SEMA5A: variants seen among roughly 807,000 people sequenced by gnomAD.
SEMA5A encodes the protein semaphorin-5A.
Under a neutral mutation model 135.5 loss-of-function variants are expected in SEMA5A, and 55 were observed. That is an observed-to-expected ratio of 0.41 (90% CI 0.33 to 0.51). The LOEUF (loss-of-function observed/expected upper bound fraction) is 0.51. Among genes scored for constraint, SEMA5A ranks in the 20% least tolerant of loss-of-function variants. SEMA5A has a pLI of 0.37. For missense variants in SEMA5A, 1,290 were observed against 1,419.9 expected (o/e 0.91, Z 1.47); for synonymous variants, 580 against 546.5 (o/e 1.06, Z -0.85).
At chr5:9,234,481 G>A (rs950963259) in intron 6 of SEMA5A, among the ~76,000 whole-genome samples, 1 of 152,220 alleles carries the variant, frequency 6.6e-6, no homozygotes, top group Non-Finnish European at 1.5e-5. Flanking sequence ...AGACCAACAT[G>A]TTTGTAAAGC....
At chr5:9,283,676 C>T (rs537359316) in intron 5 of SEMA5A, among the ~76,000 whole-genome samples, 16 of 152,300 alleles carry the variant, frequency 1.1e-4, no homozygotes, top group African/African-American at 3.4e-4. Context: ...CTGGGGCCAT[C>T]TTAGAATTCC....
intron 6 of SEMA5A, 101 bp downstream of exon 6, chr5:9,237,727 A>G: frequency 1.9e-6 from 2 of 1,030,938 alleles, no homozygotes; most frequent in Admixed American, 2.1e-5. Context: ...TTCACTTTAC[A>G]TGGCACCGTA....
chr5:9,335,571 T>G (rs1391477691), intron 4 of SEMA5A, among the ~76,000 whole-genome samples: 1 of 152,132 alleles, frequency 6.6e-6, no homozygotes, highest in Non-Finnish European at 1.5e-5. Context: ...TAGAGATGAA[T>G]GAGGGATGCA....
rs931272994 is a variant in SEMA5A at position 9,038,651 on chromosome 5, C to G, written c.*4246G>C. 4.0e-5 allele frequency: 6 copies of G among 151,816 alleles called. No individual in the cohort carries two copies. The highest frequency in any genetic ancestry group is 1.5e-4 in the African/African-American group (6 of 41,310). 9.4% of individuals were successfully genotyped at this position (151,816 alleles called of 1,614,324 possible). A position where few individuals can be genotyped will look rare whatever the true frequency, so the allele number is the denominator to read the frequency against. The stretch of plus-strand genomic sequence containing the variant: ...TGATATATGTTTAAGGTAAAATTCC[C>G]TTTGATATTCAATTATACGCTAATG... On this transcript the variant is annotated 3_prime_UTR_variant, in exon 23 of 23. Coordinates refer to ENST00000382496, the MANE Select transcript of SEMA5A (RefSeq NM_003966.3).
At chr5:9,103,996 C>T (rs1739770227) in intron 16 of SEMA5A, among the ~76,000 whole-genome samples, 1 of 152,116 alleles carries the variant, frequency 6.6e-6, no homozygotes, top group Admixed American at 6.5e-5. Context: ...CAAAAAGCTC[C>T]TCCTTCTTTT....
chr5:9,198,346 C>T (rs1166059034), intron 9 of SEMA5A, among the ~76,000 whole-genome samples: 1 of 152,142 alleles, frequency 6.6e-6, no homozygotes, highest in Non-Finnish European at 1.5e-5. Flanking sequence ...GTAAGGAAAA[C>T]CAGGCACAAC....
chr5:9,119,949 T>C (rs1740723412), intron 14 of SEMA5A, among the ~76,000 whole-genome samples: 1 of 152,000 alleles, frequency 6.6e-6, no homozygotes, highest in Non-Finnish European at 1.5e-5. Flanking sequence ...TAAAAAATTT[T>C]TTTAATTCTA....
chr5:9,072,877 T>A (rs572879551), intron 16 of SEMA5A, among the ~76,000 whole-genome samples: 2 of 152,180 alleles, frequency 1.3e-5, no homozygotes, highest in East Asian at 1.9e-4. Flanking sequence ...TGACCCGTAA[T>A]GAAGAGAAAA....
intron 1 of SEMA5A, among the ~76,000 whole-genome samples, chr5:9,536,795 T>C (rs1737793890): frequency 6.6e-6 from 1 of 152,190 alleles, no homozygotes; most frequent in Admixed American, 6.5e-5. Flanking sequence ...AAATAAAATG[T>C]CTATCTTTAA....
intron 15 of SEMA5A, among the ~76,000 whole-genome samples, chr5:9,109,071 C>T (rs1244336728): frequency 2.9e-5 from 3 of 102,198 alleles, no homozygotes; most frequent in Admixed American, 1.4e-4. Flanking sequence ...GACGGAGTCT[C>T]GCTCTGTCGC....
chr5:9,231,673 G>T (rs1747640523), intron 6 of SEMA5A, among the ~76,000 whole-genome samples: 1 of 152,016 alleles, frequency 6.6e-6, no homozygotes, highest in Non-Finnish European at 1.5e-5. Flanking sequence ...ACAATGTAGA[G>T]GTAGAGTCAC....
intron 14 of SEMA5A, among the ~76,000 whole-genome samples, chr5:9,120,939 C>T (rs1261942445): frequency 2.0e-5 from 3 of 151,982 alleles, no homozygotes; most frequent in Admixed American, 6.5e-5. Context: ...CCACCATGCC[C>T]AGCGAATTTT....
intron 5 of SEMA5A, among the ~76,000 whole-genome samples, chr5:9,306,730 C>G (rs531784668): frequency 1.3e-5 from 2 of 152,164 alleles, no homozygotes; most frequent in Admixed American, 1.3e-4. Context: ...GTGCCCTGTT[C>G]TATAAGGAGA....
chr5:9,050,464 A>G lies in SEMA5A; in HGVS notation c.2846-7T>C, dbSNP rs1736508079. 6.2e-7 allele frequency: 1 copy of G among 1,612,304 alleles called. No individual in the cohort carries two copies. Among genetic ancestry groups the G allele is most frequent in the South Asian group, 1.1e-5 (1 of 90,456 alleles). ...GATCTTGCCACAGATACTTCTGGAA[A>G]AAGAAAAGTCGAATCACAATGTGTA... On this transcript the variant is annotated splice_region_variant and splice_polypyrimidine_tract_variant and intron_variant, in intron 20 of 22. Transcript: ENST00000382496.
chr5:9,267,249 T>TTTGCAGGCCCGCCACACTTTGCA (rs1444612265), intron 5 of SEMA5A, among the ~76,000 whole-genome samples: 22 of 152,180 alleles, frequency 1.4e-4, no homozygotes, highest in Admixed American at 1.2e-3. Context: ...TGCAGGCTTC[T>TTTGCAGGCCCGCCACACTTTGCA]GGGTTTGGAA....
chr5:9,056,420 C>T (rs1296346469), intron 18 of SEMA5A, among the ~76,000 whole-genome samples: 1 of 152,042 alleles, frequency 6.6e-6, no homozygotes, highest in South Asian at 2.1e-4. Flanking sequence ...GTGGAGGGTC[C>T]TCAAAAAATT....
chr5:9,201,837 C>A (rs1036739347), intron 9 of SEMA5A, 118 bp downstream of exon 9: 16 of 965,542 alleles, frequency 1.7e-5, no homozygotes, highest in Middle Eastern at 3.3e-4. Context: ...GTCTGTTAGC[C>A]CAGTAAATTA....
chr5:9,252,560 G>A (rs1397164452), intron 5 of SEMA5A, among the ~76,000 whole-genome samples: 7 of 152,104 alleles, frequency 4.6e-5, no homozygotes, highest in Non-Finnish European at 5.9e-5. Context: ...TTTCCTAAGC[G>A]AGTTTATACG....
rs189191632 is a variant in SEMA5A at position 9,479,974 on chromosome 5, C to A, written c.-174-42122G>T. On this transcript the variant is annotated intron_variant, in intron 1 of 22. Coordinates refer to ENST00000382496, the MANE Select transcript of SEMA5A (RefSeq NM_003966.3). ...GAATGAACTGCCCACCTAAGAAATC[C>A]TCTGATAAATGTTCTTTTTTTTCTC... Among the ~76,000 whole-genome samples, 147 of 152,308 alleles carry A rather than the reference C, an allele frequency of 9.7e-4. 1 individual carries two copies. Among genetic ancestry groups the A allele is most frequent in the Admixed American group, 2.4e-3 (37 of 15,300 alleles).
Sources: gnomAD v4.1 joint callset for allele counts (sites outside exome capture counted in the v4.1 genomes callset) on GRCh38, gnomAD v4.1.1 for gene constraint, MANE v1.5 for transcripts, NCBI Gene and HGNC (gene_info 2026-07-23, HGNC 2026-07-21) for gene names.